TMEM255B: variants seen among roughly 807,000 people sequenced by gnomAD.
TMEM255B encodes transmembrane protein 255B, also known as family with sequence similarity 70, member B.
A neutral mutation model predicts 34.5 loss-of-function variants in TMEM255B; 35 were observed. The ratio of observed to expected loss-of-function variants is 1.01; its 90% confidence interval spans 0.77 to 1.34. The LOEUF is 1.34. TMEM255B is among the 40% of genes most tolerant of loss of function. TMEM255B has a pLI of 0.00. For missense variants in TMEM255B, 432 were observed against 433.2 expected, an observed-to-expected ratio of 1.00 and a Z score of 0.02; for synonymous variants, 206 against 201.2, an observed-to-expected ratio of 1.02 and a Z score of -0.20.
At chr13:113,803,839 A>AG (rs36187831) in intron 7 of TMEM255B, among the ~76,000 whole-genome samples, 1 of 34,254 alleles carries the variant, frequency 2.9e-5, no homozygotes, top group Non-Finnish European at 5.5e-5. Context: ...TCCCAGCCCC[A>AG]GGGGTGCGGG....
At chr13:113,800,794 G>C (rs58284072) in intron 5 of TMEM255B, 33 bp from the exon 6 acceptor site, 73 of 1,576,820 alleles carry the variant, frequency 4.6e-5, no homozygotes, top group Non-Finnish European at 6.2e-5. Flanking sequence ...GGTGGGCACC[G>C]GCATGTGACC....
At chr13:113,762,506 G>T (rs916449600) in intron 1 of TMEM255B, among the ~76,000 whole-genome samples, 2 of 152,078 alleles carry the variant, frequency 1.3e-5, no homozygotes, top group Admixed American at 6.6e-5. Context: ...TGTAGCAGAT[G>T]GGGGGGAAGT....
At position 113,815,335 on chromosome 13, in the gene TMEM255B, G is replaced by A. The variant is rs1017230818; in HGVS notation, c.*3432G>A. On this transcript the variant is annotated 3_prime_UTR_variant, in exon 9 of 9. Transcript: ENST00000375353. ...GACGGTCCGTCCACGTGGGGTCACC[G>A]GCCACGGAGAGAGGAAGGGACATGG... 2 of 149,282 alleles carry A rather than the reference G, an allele frequency of 1.3e-5. No homozygotes were observed. The highest frequency in any genetic ancestry group is 3.2e-3 in the Middle Eastern group (1 of 308). 9.2% of individuals were successfully genotyped at this position (149,282 alleles called of 1,614,324 possible). A position where few individuals can be genotyped will look rare whatever the true frequency, so the allele number is the denominator to read the frequency against.
intron 3 of TMEM255B, among the ~76,000 whole-genome samples, chr13:113,782,249 T>G (rs1450474416): frequency 6.6e-6 from 1 of 152,210 alleles, no homozygotes; most frequent in African/African-American, 2.4e-5. Context: ...TAGACACAAA[T>G]TATTTAACCT....
Position 113,759,252 on chromosome 13 carries a change from G to A in TMEM255B, c.-18G>A. ...GGACTGTGGCTGTGGCCCCGGGAGA[G>A]CCGGGTGGGGCCTCGGGATGCAGCC... On this transcript the variant is annotated 5_prime_UTR_variant, in exon 1 of 9. Transcript: ENST00000375353. The A allele has an allele frequency of 8.1e-7, 1 of 1,227,908 alleles. No homozygotes were observed. Among genetic ancestry groups the A allele is most frequent in the Non-Finnish European group, 1.0e-6 (1 of 985,456 alleles). 76.1% of individuals were successfully genotyped at this position (1,227,908 alleles called of 1,614,324 possible). A position where few individuals can be genotyped will look rare whatever the true frequency, so the allele number is the denominator to read the frequency against.
In TMEM255B at chr13:113,770,299, G is replaced by A. The variant is rs566700194; in HGVS notation, c.252+1139G>A. 6.6e-6 allele frequency among the ~76,000 whole-genome samples: 1 copy of A among 152,138 alleles called. No homozygotes were observed. The highest frequency in any genetic ancestry group is 1.5e-5 in the Non-Finnish European group (1 of 68,026). ...TCTTGTGAGACTTACTCACTATCAT[G>A]AGAACAGCACAGGAAAGATCTGCCC... On this transcript the variant is annotated intron_variant, in intron 3 of 8. Coordinates refer to ENST00000375353, the MANE Select transcript of TMEM255B (RefSeq NM_182614.4). This position sits in a 1 kb window ranked among gnomAD's most constrained non-coding sequence, Gnocchi z 4.6.
intron 1 of TMEM255B, among the ~76,000 whole-genome samples, chr13:113,764,021 G>A (rs947386777): frequency 4.6e-5 from 7 of 152,222 alleles, no homozygotes; most frequent in African/African-American, 1.7e-4. Flanking sequence ...GCAGGTGTCG[G>A]GTGCCTGGGC....
intron 1 of TMEM255B, chr13:113,761,445 T>TG (rs1263380880): frequency 6.2e-6 from 5 of 801,984 alleles, no homozygotes; most frequent in Non-Finnish European, 7.5e-6. Flanking sequence ...ATGGGAGAAG[T>TG]GGGGGCTGGT....
At chr13:113,800,589 G>A (rs1447162797) in intron 5 of TMEM255B, among the ~76,000 whole-genome samples, 1 of 152,088 alleles carries the variant, frequency 6.6e-6, no homozygotes, top group Non-Finnish European at 1.5e-5. Context: ...CCTCTCCTCT[G>A]AGCCCCGATT....
In TMEM255B at chr13:113,812,331, G is replaced by A. The variant is rs1056896511; in HGVS notation, c.*428G>A. ...GTGTGCATCTGTGTCCTGGAGAAGC[G>A]CAGGGCAGAAGCCACCCGCCCCTCG... On this transcript the variant is annotated 3_prime_UTR_variant, in exon 9 of 9. Transcript: ENST00000375353. The A allele has an allele frequency of 1.0e-4, 18 of 177,300 alleles. No homozygotes were observed. The South Asian group carries it at 1.9e-3, about 18-fold the overall frequency. 11.0% of individuals were successfully genotyped at this position (177,300 alleles called of 1,614,324 possible). A position where few individuals can be genotyped will look rare whatever the true frequency, so the allele number is the denominator to read the frequency against.
At chr13:113,800,327 G>GTGTGTGTGTT (rs2051027886) in intron 5 of TMEM255B, among the ~76,000 whole-genome samples, 1 of 149,870 alleles carries the variant, frequency 6.7e-6, no homozygotes, top group Non-Finnish European at 1.5e-5. Flanking sequence ...GTGTGTGTGT[G>GTGTGTGTGTT]TGTGTGTGTG....
intron 2 of TMEM255B, chr13:113,768,752 G>A (rs2050431761): frequency 4.6e-6 from 2 of 433,184 alleles, no homozygotes; most frequent in South Asian, 3.4e-5. Context: ...CTCAGGCCTG[G>A]AGAAGACGGG....
At chr13:113,766,384 G>A in intron 2 of TMEM255B, 127 bp downstream of exon 2, 1 of 1,378,432 alleles carries the variant, frequency 7.3e-7, no homozygotes, top group Middle Eastern at 1.8e-4. Flanking sequence ...AGTGCTTGTG[G>A]TCGGCAGGGT....
rs754535711 is a variant in TMEM255B at position 113,801,645 on chromosome 13, CTG to C, written c.510-5_510-4del. The C allele has an allele frequency of 3.2e-6, 5 of 1,585,688 alleles. No individual in the cohort carries two copies. In the South Asian group the frequency reaches 3.4e-5, roughly 11 times the overall value. ...GTGCGGTGACGCCATGGTGCCCTCT[CTG>C]TGCAGCGCAGAGCCCTCGCCCGCCT... On this transcript the variant is annotated splice_polypyrimidine_tract_variant and splice_region_variant and intron_variant, in intron 6 of 8. Coordinates refer to ENST00000375353, the MANE Select transcript of TMEM255B (RefSeq NM_182614.4).
At chr13:113,790,563 C>A (rs1024937157) in intron 3 of TMEM255B, among the ~76,000 whole-genome samples, 2 of 139,146 alleles carry the variant, frequency 1.4e-5, no homozygotes, top group Non-Finnish European at 3.1e-5. Flanking sequence ...ACTGACTGGA[C>A]ACATGGACAT....
intron 7 of TMEM255B, 23 bp downstream of exon 7, chr13:113,801,835 C>A: frequency 6.4e-7 from 1 of 1,562,344 alleles, no homozygotes; most frequent in Non-Finnish European, 8.7e-7. Context: ...GGTGGGACCC[C>A]CGCTGCTCAC....
rs151074007 is a variant in TMEM255B, at chr13:113,807,697, G to A, written c.813+2669G>A. The stretch of plus-strand genomic sequence containing the variant: ...TCCTCCCCGTCACACGCAGGCTTAC[G>A]GGATGTGGGGGTGGTCCTCCCTGTC... On this transcript the variant is annotated intron_variant, in intron 8 of 8. Transcript: ENST00000375353. 8.0e-3 allele frequency among the ~76,000 whole-genome samples: 1,131 copies of A among 141,290 alleles called. 18 individuals are homozygous for A. The highest frequency in any genetic ancestry group is 0.028 in the African/African-American group (1,043 of 36,884). The allele number at this position is 141,290 out of a possible 152,430, so 92.7% of individuals were successfully genotyped here.
intron 4 of TMEM255B, among the ~76,000 whole-genome samples, chr13:113,797,723 C>T (rs1274236606): frequency 6.6e-6 from 1 of 152,240 alleles, no homozygotes; most frequent in Non-Finnish European, 1.5e-5. Context: ...TCATCTGTTG[C>T]AGTGTTACTA....
At chr13:113,799,621 G>A (rs2051005824) in intron 5 of TMEM255B, 2 of 636,600 alleles carry the variant, frequency 3.1e-6, no homozygotes, top group Admixed American at 2.5e-5. Flanking sequence ...TCTGGAGTCA[G>A]AGTTCTGGAC....
Sources: allele counts gnomAD v4.1 joint callset (sites outside exome capture counted in the v4.1 genomes callset), GRCh38; gene constraint gnomAD v4.1.1; non-coding constraint Gnocchi (gnomAD v3.1); transcripts MANE v1.5; gene names NCBI Gene and HGNC (gene_info 2026-07-23, HGNC 2026-07-21).